POM121C: variants seen among roughly 807,000 people sequenced by gnomAD.
POM121C encodes POM121 transmembrane nucleoporin C.
In POM121C, 20 loss-of-function variants were observed where a neutral mutation model predicts 66.4. The ratio of observed to expected loss-of-function variants is 0.30; its 90% CI spans 0.21 to 0.44. POM121C has a LOEUF of 0.44. Among genes scored for constraint, POM121C ranks in the 20% least tolerant of loss-of-function variants. POM121C has a pLI of 1.00. For missense variants in POM121C, 580 were observed against 1,225.7 expected (o/e 0.47, Z 7.87); for synonymous variants, 286 against 528.0 (o/e 0.54, Z 6.28).
chr7:75,474,911 C>A, intron 2 of POM121C, 29 bp from the exon 3 acceptor site: 1 of 1,014,768 alleles, frequency 9.9e-7, no homozygotes, highest in Non-Finnish European at 1.5e-6. Flanking sequence ...CCATTTTTTA[C>A]CTTATCAAAG....
intron 10 of POM121C, 104 bp from the exon 11 acceptor site, chr7:75,424,732 C>G: frequency 2.7e-6 from 4 of 1,477,580 alleles, no homozygotes; most frequent in Non-Finnish European, 3.8e-6. Flanking sequence ...GCCAAGCCAG[C>G]TGGATCACTT....
At chr7:75,470,642 CTTTTTTTT>C (rs1791835146) in intron 3 of POM121C, among the ~76,000 whole-genome samples, 1 of 149,698 alleles carries the variant, frequency 6.7e-6, no homozygotes. Context: ...AACTTTTTTT[CTTTTTTTT>C]GAGAAAGGGT....
intron 3 of POM121C, among the ~76,000 whole-genome samples, chr7:75,444,471 G>C (rs1159135194): frequency 9.0e-5 from 13 of 144,844 alleles, no homozygotes; most frequent in Non-Finnish European, 7.7e-5. Context: ...TTGAACTATT[G>C]TGTGTGGCTG....
At chr7:75,473,051 T>C (rs587755169) in intron 3 of POM121C, among the ~76,000 whole-genome samples, 1 of 152,088 alleles carries the variant, frequency 6.6e-6, no homozygotes, top group South Asian at 2.1e-4. Flanking sequence ...ACACAAACCA[T>C]GGAGAGAAGA....
intron 1 of POM121C, among the ~76,000 whole-genome samples, chr7:75,479,874 A>G (rs587758744): frequency 1.3e-5 from 2 of 152,332 alleles, no homozygotes; most frequent in Non-Finnish European, 1.5e-5. Flanking sequence ...ACAGTGTGAT[A>G]GCTAAAAACC....
chr7:75,477,331 C>T (rs1563159985), intron 1 of POM121C, among the ~76,000 whole-genome samples: 1 of 152,102 alleles, frequency 6.6e-6, no homozygotes, highest in Admixed American at 6.6e-5. Flanking sequence ...GCCTGTAATC[C>T]CAACACTTTA....
At chr7:75,439,345 C>T in intron 5 of POM121C, 121 bp from the exon 6 acceptor site, 1 of 1,387,248 alleles carries the variant, frequency 7.2e-7, no homozygotes, top group African/African-American at 1.4e-5. Context: ...CATGCTAGAC[C>T]AGAAAATGGT....
intron 3 of POM121C, among the ~76,000 whole-genome samples, chr7:75,450,635 A>C (rs1344348971): frequency 6.6e-6 from 1 of 152,266 alleles, no homozygotes; most frequent in Non-Finnish European, 1.5e-5. Context: ...TGTGAGCTGA[A>C]CACATGCTAA....
chr7:75,472,855 G>A (rs1365567554), intron 3 of POM121C, among the ~76,000 whole-genome samples: 14 of 151,942 alleles, frequency 9.2e-5, no homozygotes, highest in African/African-American at 2.7e-4. Context: ...GGAGGGAAGA[G>A]AGGAAGAAAG....
chr7:75,460,875 T>C (rs1216795425), intron 3 of POM121C, among the ~76,000 whole-genome samples: 3 of 152,126 alleles, frequency 2.0e-5, no homozygotes, highest in African/African-American at 4.8e-5. Flanking sequence ...CTTGGTTTAT[T>C]TGGCCCTCTC....
chr7:75,485,343 G>A (rs1337193070), intron 1 of POM121C, among the ~76,000 whole-genome samples: 7 of 151,434 alleles, frequency 4.6e-5, no homozygotes, highest in African/African-American at 1.2e-4. Flanking sequence ...ACTGGCCTGG[G>A]AGATAAGTCT....
At chr7:75,450,012 CA>C (rs1334688744) in intron 3 of POM121C, among the ~76,000 whole-genome samples, 5 of 151,476 alleles carry the variant, frequency 3.3e-5, no homozygotes, top group Non-Finnish European at 7.4e-5. Flanking sequence ...GACTCCATCT[CA>C]AAAAAACACA....
chr7:75,425,559 T>C (rs1306768038), intron 9 of POM121C, 76 bp downstream of exon 9: 2 of 1,335,072 alleles, frequency 1.5e-6, no homozygotes, highest in Non-Finnish European at 2.1e-6. Flanking sequence ...CTTTTTTCAA[T>C]AGGTATTAAT....
At chr7:75,450,305 G>A (rs1251860323) in intron 3 of POM121C, among the ~76,000 whole-genome samples, 2 of 151,920 alleles carry the variant, frequency 1.3e-5, no homozygotes, top group Non-Finnish European at 2.9e-5. Flanking sequence ...AAGCAGGAAA[G>A]CTGGGGAGAA....
intron 3 of POM121C, among the ~76,000 whole-genome samples, chr7:75,468,126 T>TAAAAAAAAAAAAAAAAAA (rs368723160): frequency 3.1e-5 from 2 of 64,354 alleles, no homozygotes; most frequent in African/African-American, 3.9e-5. Context: ...AGACTCTGTC[T>TAAAAAAAAAAAAAAAAAA]AAAAAAAAAA....
intron 7 of POM121C, among the ~76,000 whole-genome samples, chr7:75,429,365 C>T (rs587766487): frequency 3.9e-5 from 6 of 152,362 alleles, no homozygotes. Flanking sequence ...GGCACTGTGG[C>T]TCATGCCTAT....
At chr7:75,423,639 G>A (rs1296310503) in intron 12 of POM121C, among the ~76,000 whole-genome samples, 8 of 152,058 alleles carry the variant, frequency 5.3e-5, no homozygotes, top group Non-Finnish European at 1.0e-4. Flanking sequence ...GCGCAGTGCC[G>A]TGAAGGCCTG....
chr7:75,482,437 T>C (rs1792341975), intron 1 of POM121C, among the ~76,000 whole-genome samples: 1 of 152,182 alleles, frequency 6.6e-6, no homozygotes, highest in Non-Finnish European at 1.5e-5. Flanking sequence ...CTCACGCCTA[T>C]AATCCTAGCA....
chr7:75,460,290 T>G (rs1791401404), intron 3 of POM121C, among the ~76,000 whole-genome samples: 1 of 147,654 alleles, frequency 6.8e-6, no homozygotes, highest in Non-Finnish European at 1.5e-5. Flanking sequence ...CTCAGGAGTT[T>G]GAGACCAGCC....
Sources: allele counts gnomAD v4.1 joint callset (sites outside exome capture counted in the v4.1 genomes callset), GRCh38; gene constraint gnomAD v4.1.1; transcripts MANE v1.5; gene names NCBI Gene and HGNC (gene_info 2026-07-23, HGNC 2026-07-21).